EPHA5: variants seen among roughly 807,000 people sequenced by gnomAD.
EPHA5 encodes EPH receptor A5, also known as ephrin type-A receptor 5.
Under a neutral mutation model 105.0 loss-of-function variants are expected in EPHA5, and 60 were observed. That is an observed-to-expected ratio of 0.57 (90% CI 0.46 to 0.71). EPHA5 has a LOEUF of 0.71. Among genes scored for constraint, EPHA5 ranks in the 30% least tolerant of loss-of-function variants. The pLI is 0.00. For missense variants in EPHA5, 1,218 were observed against 1,274.7 expected (o/e 0.96, Z 0.68); for synonymous variants, 513 against 449.1 (o/e 1.14, Z -1.80).
intron 5 of EPHA5, among the ~76,000 whole-genome samples, chr4:65,460,818 G>A (rs1728053546): frequency 6.6e-6 from 1 of 151,736 alleles, no homozygotes; most frequent in Non-Finnish European, 1.5e-5. Flanking sequence ...ATGTACGTGT[G>A]TGTTTGAGGT....
chr4:65,614,567 A>C (rs1745057236), intron 2 of EPHA5, among the ~76,000 whole-genome samples: 1 of 151,862 alleles, frequency 6.6e-6, no homozygotes, highest in African/African-American at 2.4e-5. Flanking sequence ...AAGATGGATT[A>C]GAGGGCTCCT....
intron 8 of EPHA5, among the ~76,000 whole-genome samples, chr4:65,393,202 C>T (rs1720893366): frequency 6.6e-6 from 1 of 151,818 alleles, no homozygotes; most frequent in South Asian, 2.1e-4. Context: ...ATTCTCTTTC[C>T]TCATTCTCAG....
At chr4:65,572,194 T>C (rs1382607537) in intron 3 of EPHA5, among the ~76,000 whole-genome samples, 2 of 152,138 alleles carry the variant, frequency 1.3e-5, no homozygotes. Context: ...ATGAGTCATT[T>C]TCTCATTAGC....
chr4:65,481,895 A>C (rs1042078919), intron 5 of EPHA5, among the ~76,000 whole-genome samples: 13 of 152,200 alleles, frequency 8.5e-5, no homozygotes, highest in South Asian at 2.1e-4. Flanking sequence ...TGAACTGAAA[A>C]ACAGGCTAAG....
chr4:65,412,582 T>C (rs1467967702), intron 7 of EPHA5, among the ~76,000 whole-genome samples: 3 of 152,186 alleles, frequency 2.0e-5, no homozygotes, highest in Admixed American at 6.5e-5. Context: ...CAGTATGATA[T>C]TGAAGTATTT....
At chr4:65,496,315 G>T (rs1169181740) in intron 3 of EPHA5, among the ~76,000 whole-genome samples, 1 of 150,420 alleles carries the variant, frequency 6.6e-6, no homozygotes, top group Admixed American at 6.6e-5. Context: ...TGCCATGCTG[G>T]TGCGCTGCAC....
At chr4:65,600,095 A>T (rs1743571487) in intron 3 of EPHA5, among the ~76,000 whole-genome samples, 1 of 152,104 alleles carries the variant, frequency 6.6e-6, no homozygotes, top group South Asian at 2.1e-4. Flanking sequence ...TTTAGAAATA[A>T]TTAATAAGAT....
At chr4:65,330,863 G>A in intron 16 of EPHA5, 5 of 1,034,692 alleles carry the variant, frequency 4.8e-6, no homozygotes, top group Non-Finnish European at 5.8e-6. Context: ...AGTAAATTTA[G>A]AAAGCAAGCT....
At chr4:65,557,856 T>G (rs967651431) in intron 3 of EPHA5, among the ~76,000 whole-genome samples, 6 of 151,860 alleles carry the variant, frequency 4.0e-5, no homozygotes, top group African/African-American at 1.5e-4. Flanking sequence ...GTCACTGAAA[T>G]AATTCTGTGG....
At chr4:65,357,212 A>G (rs1045762957) in intron 11 of EPHA5, among the ~76,000 whole-genome samples, 1 of 151,416 alleles carries the variant, frequency 6.6e-6, no homozygotes, top group African/African-American at 2.4e-5. Flanking sequence ...TATAACTGTG[A>G]TATTATAATA....
intron 3 of EPHA5, among the ~76,000 whole-genome samples, chr4:65,502,328 T>C (rs574084140): frequency 9.9e-5 from 15 of 150,866 alleles, no homozygotes; most frequent in African/African-American, 3.6e-4. Flanking sequence ...ACCTGCAGAA[T>C]GAAAAAAAAT....
intron 15 of EPHA5, among the ~76,000 whole-genome samples, chr4:65,334,505 T>C (rs988446585): frequency 2.0e-5 from 3 of 151,952 alleles, no homozygotes; most frequent in Non-Finnish European, 2.9e-5. Context: ...TTAGAGATAC[T>C]GGAATATCAT....
rs1268790168 is a variant in EPHA5 at position 65,335,978 on chromosome 4, T to C, written c.2743A>G (p.Ile915Val). The C allele has an allele frequency of 3.7e-6, 6 of 1,613,074 alleles. No homozygotes were observed. Among genetic ancestry groups the C allele is most frequent in the Non-Finnish European group, 5.1e-6 (6 of 1,179,426 alleles). Residue 915 changes from isoleucine to valine, a missense_variant, in exon 15 of 17, where the codon ATA becomes GTA. Around this residue, in one of 3 missense-constraint regions of EPHA5, gnomAD observed 971 missense variants for 1,013.5 expected, o/e 0.96. Transcript: ENST00000613740. ...GTCTTCAGACTACTTGGGTTACGTA[T>C]CAGCTTGTCCAACATGTTGACTATT... ...DEIVNMLDKL[I>V]RNPSSLKTLV...
chr4:65,623,824 A>T (rs1203754713), intron 2 of EPHA5, among the ~76,000 whole-genome samples: 1 of 152,222 alleles, frequency 6.6e-6, no homozygotes, highest in Non-Finnish European at 1.5e-5. Flanking sequence ...ATGAAAGATT[A>T]TAAGTTATAC....
intron 4 of EPHA5, among the ~76,000 whole-genome samples, chr4:65,491,267 T>C (rs1018724840): frequency 2.6e-5 from 4 of 151,848 alleles, no homozygotes; most frequent in Non-Finnish European, 5.9e-5. Context: ...CCCCCTACTG[T>C]ATATCAAAAA....
chr4:65,531,317 G>A (rs1578351778), intron 3 of EPHA5, among the ~76,000 whole-genome samples: 1 of 152,118 alleles, frequency 6.6e-6, no homozygotes. Flanking sequence ...GATTACAGGC[G>A]TGAGCCACCG....
chr4:65,484,181 C>A (rs903896642), intron 5 of EPHA5, among the ~76,000 whole-genome samples: 15 of 151,976 alleles, frequency 9.9e-5, no homozygotes, highest in African/African-American at 3.1e-4. Flanking sequence ...ACAGAGATTG[C>A]CAACAAGTAT....
chr4:65,381,562 A>G (rs943315029), intron 8 of EPHA5, among the ~76,000 whole-genome samples: 3 of 151,862 alleles, frequency 2.0e-5, no homozygotes, highest in African/African-American at 7.2e-5. Flanking sequence ...ACACATAGCT[A>G]ATATTAACCA....
At chr4:65,571,925 T>C (rs1358849638) in intron 3 of EPHA5, among the ~76,000 whole-genome samples, 1 of 152,096 alleles carries the variant, frequency 6.6e-6, no homozygotes, top group Admixed American at 6.5e-5. Context: ...TATATACAGT[T>C]ATATATTTCA....
Sources: allele counts gnomAD v4.1 joint callset (sites outside exome capture counted in the v4.1 genomes callset), GRCh38; gene constraint gnomAD v4.1.1; regional missense constraint gnomAD v4.1.1; transcripts MANE v1.5; gene names NCBI Gene and HGNC (gene_info 2026-07-23, HGNC 2026-07-21).